LRRC74A: variants seen among roughly 807,000 people sequenced by gnomAD.
LRRC74A encodes the protein leucine rich repeat containing 74A.
A neutral mutation model predicts 57.9 loss-of-function variants in LRRC74A; 44 were observed. The observed-to-expected ratio is 0.76, with a 90% CI of 0.60 to 0.98. The LOEUF (loss-of-function observed/expected upper bound fraction) is 0.98, where lower values mean the gene tolerates loss of function less well. Ranked by LOEUF, LRRC74A falls within the 50% of genes least tolerant of loss-of-function variation. LRRC74A has a pLI of 0.00. For missense variants in LRRC74A, 572 were observed against 574.0 expected (o/e 1.00, Z 0.04); for synonymous variants, 211 against 219.4 (o/e 0.96, Z 0.34).
chr14:76,859,691 T>C (rs1898158774), intron 10 of LRRC74A, among the ~76,000 whole-genome samples: 1 of 132,126 alleles, frequency 7.6e-6, no homozygotes, highest in South Asian at 2.4e-4. Flanking sequence ...TTTTTGGGTG[T>C]TGGGGATGGA....
Position 76,866,382 on chromosome 14 carries a change from A to G in LRRC74A, c.1308+307A>G, listed in dbSNP as rs1198961624. Among the ~76,000 whole-genome samples the G allele has an allele frequency of 2.0e-5, 3 of 152,198 alleles. No homozygotes were observed. The East Asian group carries it at 5.8e-4, about 29-fold the overall frequency. ...CATTGCATTTCACTACTGGGCAGAT[A>G]ACAAAGGGAGTGAGAGAGGAGACCA... On this transcript the variant is annotated intron_variant, in intron 12 of 13. Coordinates refer to ENST00000689127, the MANE Select transcript of LRRC74A (RefSeq NM_001385106.1).
In LRRC74A at chr14:76,831,325, C is replaced by T; in HGVS notation, c.289C>T (p.His97Tyr). Reference protein sequence around the residue: ...NMEESYVNLNHHGLGPRGTKA... With the variant: ...NMEESYVNLNYHGLGPRGTKA... ...GGAGGAGTCCTACGTGAACCTCAAC[C>T]ACCACGGCCTGGGCCCCAGGGGTAC... The change falls in exon 3 of 14, where the codon CAC (histidine) becomes TAC (tyrosine). Residue 97 changes from histidine to tyrosine, a missense_variant. His to Tyr is a moderately conservative substitution (Grantham distance 83, BLOSUM62 2). Coordinates refer to ENST00000689127, the MANE Select transcript of LRRC74A (RefSeq NM_001385106.1). 5 of 1,613,962 alleles carry T rather than the reference C, an allele frequency of 3.1e-6. No homozygotes were observed. The highest frequency in any genetic ancestry group is 4.2e-6 in the Non-Finnish European group (5 of 1,179,890).
chr14:76,842,571 C>G (rs1896846481), intron 5 of LRRC74A, among the ~76,000 whole-genome samples: 1 of 152,176 alleles, frequency 6.6e-6, no homozygotes, highest in South Asian at 2.1e-4. Context: ...TAACTAATCA[C>G]CTAGTTTTAT....
chr14:76,861,127 C>T (rs1196006931), intron 11 of LRRC74A, among the ~76,000 whole-genome samples: 3 of 152,180 alleles, frequency 2.0e-5, no homozygotes, highest in African/African-American at 4.8e-5. Context: ...CACCTGCTAG[C>T]GTATGACCAA....
chr14:76,845,035 A>G, intron 7 of LRRC74A, 134 bp downstream of exon 7: 1 of 613,798 alleles, frequency 1.6e-6, no homozygotes, highest in Non-Finnish European at 2.9e-6. Flanking sequence ...CCCAAAATAC[A>G]TTCAGAATTT....
chr14:76,858,079 T>C (rs1334958650), intron 10 of LRRC74A, among the ~76,000 whole-genome samples: 2 of 152,234 alleles, frequency 1.3e-5, no homozygotes, highest in Admixed American at 6.5e-5. Flanking sequence ...TGATTTTATA[T>C]ATTCCAGCTC....
intron 3 of LRRC74A, among the ~76,000 whole-genome samples, chr14:76,833,195 T>C (rs1896087025): frequency 6.6e-6 from 1 of 152,216 alleles, no homozygotes; most frequent in South Asian, 2.1e-4. Context: ...CCAAGTTCAA[T>C]GATGCAGACA....
chr14:76,828,476 T>C (rs1895738939), intron 2 of LRRC74A, 57 bp downstream of exon 2: 2 of 1,611,110 alleles, frequency 1.2e-6, no homozygotes, highest in Admixed American at 1.7e-5. Context: ...ACTGGAGAAA[T>C]CTGGTTTCCA....
chr14:76,841,730 T>C (rs1489895824), intron 5 of LRRC74A, among the ~76,000 whole-genome samples: 2 of 102,958 alleles, frequency 1.9e-5, no homozygotes, highest in Admixed American at 2.0e-4. Context: ...TTTTTTTTTT[T>C]TAGAAGGAGT....
chr14:76,841,838 G>A (rs1200889370), intron 5 of LRRC74A, among the ~76,000 whole-genome samples: 2 of 151,490 alleles, frequency 1.3e-5, no homozygotes, highest in East Asian at 3.9e-4. Flanking sequence ...TCAGCCTACC[G>A]AGTAGCTGAG....
intron 4 of LRRC74A, among the ~76,000 whole-genome samples, chr14:76,836,589 C>G (rs1419326220): frequency 1.3e-5 from 2 of 152,232 alleles, no homozygotes; most frequent in Non-Finnish European, 2.9e-5. Context: ...CGCCTGAGGT[C>G]AGGAGTTCAA....
At chr14:76,830,856 A>G (rs544044390) in intron 2 of LRRC74A, among the ~76,000 whole-genome samples, 1 of 152,380 alleles carries the variant, frequency 6.6e-6, no homozygotes, top group Non-Finnish European at 1.5e-5. Flanking sequence ...AAGGTGGGCA[A>G]GAGGGCTTGG....
intron 2 of LRRC74A, among the ~76,000 whole-genome samples, chr14:76,830,503 A>G (rs148204154): frequency 5.3e-5 from 8 of 152,334 alleles, no homozygotes; most frequent in Non-Finnish European, 1.2e-4. Context: ...GCATTGACCA[A>G]CTGTGTGTTA....
At chr14:76,852,253 C>T in intron 7 of LRRC74A, 112 bp from the exon 8 acceptor site, 3 of 676,774 alleles carry the variant, frequency 4.4e-6, no homozygotes, top group South Asian at 4.7e-5. Context: ...GAGAATTTTA[C>T]TTGCATGACC....
intron 7 of LRRC74A, among the ~76,000 whole-genome samples, chr14:76,851,487 A>G (rs1216109670): frequency 6.6e-6 from 1 of 152,044 alleles, no homozygotes; most frequent in Non-Finnish European, 1.5e-5. Flanking sequence ...CTTCCTGAGT[A>G]GCTGGGACTA....
intron 10 of LRRC74A, among the ~76,000 whole-genome samples, chr14:76,859,579 G>A (rs1898143959): frequency 6.8e-6 from 1 of 147,340 alleles, no homozygotes; most frequent in Non-Finnish European, 1.5e-5. Flanking sequence ...GTGCTGTTTA[G>A]GCCCTAGATG....
intron 11 of LRRC74A, among the ~76,000 whole-genome samples, chr14:76,862,441 AATCGCTC>A (rs1225379628): frequency 2.1e-4 from 1 of 4,844 alleles, no homozygotes; most frequent in East Asian, 0.17. Context: ...GAGGCACAAG[AATCGCTC>A]GACGCTTGAA....
At chr14:76,867,173 T>TGGG (rs1898962663) in intron 12 of LRRC74A, among the ~76,000 whole-genome samples, 183 bp from the exon 13 acceptor site, 1 of 3,550 alleles carries the variant, frequency 2.8e-4, no homozygotes, top group Non-Finnish European at 6.1e-4. Flanking sequence ...GGGTGTGTGG[T>TGGG]AGTGTGTGTG....
At chr14:76,857,244 G>A (rs1377238775) in intron 9 of LRRC74A, 136 bp from the exon 10 acceptor site, 1 of 588,844 alleles carries the variant, frequency 1.7e-6, no homozygotes, top group Non-Finnish European at 3.1e-6. Flanking sequence ...ACAAACAGAA[G>A]GACAAGGAGA....
Sources: gnomAD v4.1 joint callset for allele counts (sites outside exome capture counted in the v4.1 genomes callset) on GRCh38, gnomAD v4.1.1 for gene constraint, MANE v1.5 for transcripts, NCBI Gene and HGNC (gene_info 2026-07-23, HGNC 2026-07-21) for gene names.